Variants in WNT2 observed in about 807,000 individuals in gnomAD.
WNT2 encodes Wnt family member 2.
Under a neutral mutation model 36.9 loss-of-function variants are expected in WNT2, and 12 were observed. That is an observed-to-expected ratio of 0.33 (90% CI 0.21 to 0.53). WNT2 has a LOEUF of 0.53. Ranked by LOEUF, WNT2 falls within the 20% of genes least tolerant of loss-of-function variation. The pLI is 0.95. For missense variants in WNT2, 379 were observed against 473.1 expected (o/e 0.80, Z 1.84); for synonymous variants, 163 against 174.6 (o/e 0.93, Z 0.52).
intron 4 of WNT2, among the ~76,000 whole-genome samples, chr7:117,285,999 G>T (rs1210693426): frequency 6.6e-6 from 1 of 152,128 alleles, no homozygotes; most frequent in African/African-American, 2.4e-5. Flanking sequence ...TAAGATCCAG[G>T]CAAAGTCGTT....
At chr7:117,283,438 G>T (rs1794523154) in intron 4 of WNT2, among the ~76,000 whole-genome samples, 1 of 152,240 alleles carries the variant, frequency 6.6e-6, no homozygotes, top group Non-Finnish European at 1.5e-5. Flanking sequence ...TTGGGCTTAA[G>T]GGGGCCAGGA....
intron 2 of WNT2, among the ~76,000 whole-genome samples, chr7:117,319,127 C>T (rs1487267736): frequency 2.6e-5 from 4 of 152,106 alleles, no homozygotes. Context: ...CATAATATAT[C>T]CAAAGATTAC....
chr7:117,303,545 G>C lies in WNT2; in HGVS notation c.589-5669C>G, dbSNP rs1041452831. On this transcript the variant is annotated intron_variant, in intron 3 of 4. Coordinates refer to ENST00000265441, the MANE Select transcript of WNT2 (RefSeq NM_003391.3). ...TGGGGTCTTCAGAGGCACTGGGCAA[G>C]GAGCTTGGTTGGGGTGGGAGGGTGG... is the stretch of plus-strand genomic sequence containing the variant. Among the ~76,000 whole-genome samples, 3 of 152,186 alleles carry C rather than the reference G, an allele frequency of 2.0e-5. No homozygotes were observed. In the South Asian group the frequency reaches 6.2e-4, roughly 32 times the overall value.
chr7:117,295,782 TGAGCA>T (rs960768635), intron 4 of WNT2, among the ~76,000 whole-genome samples: 1 of 152,218 alleles, frequency 6.6e-6, no homozygotes, highest in African/African-American at 2.4e-5. Context: ...GGTGAGATCG[TGAGCA>T]GGTCATTCAC....
intron 3 of WNT2, among the ~76,000 whole-genome samples, chr7:117,303,430 T>A (rs1183490034): frequency 6.6e-6 from 1 of 152,110 alleles, no homozygotes; most frequent in African/African-American, 2.4e-5. Context: ...GAAAGATGGG[T>A]GGTGGCCAGT....
At chr7:117,282,388 G>C (rs1384328241) in intron 4 of WNT2, among the ~76,000 whole-genome samples, 1 of 148,606 alleles carries the variant, frequency 6.7e-6, no homozygotes, top group Non-Finnish European at 1.5e-5. Context: ...AGAGGAAGAA[G>C]GGAAAGAGGA....
chr7:117,280,958 C>A (rs564947744), intron 4 of WNT2, among the ~76,000 whole-genome samples: 7 of 152,226 alleles, frequency 4.6e-5, no homozygotes, highest in African/African-American at 1.7e-4. Context: ...AGGGCATGAG[C>A]CAAGCATATT....
intron 3 of WNT2, 130 bp from the exon 4 acceptor site, chr7:117,298,006 G>T: frequency 7.8e-7 from 1 of 1,279,882 alleles, no homozygotes; most frequent in Non-Finnish European, 1.1e-6. Context: ...ACTGGGAAAT[G>T]TTGAAGCATT....
chr7:117,313,530 T>C (rs1157376594), intron 3 of WNT2, among the ~76,000 whole-genome samples: 2 of 152,232 alleles, frequency 1.3e-5, no homozygotes, highest in African/African-American at 4.8e-5. Flanking sequence ...AGTTGAAACA[T>C]TCAATATCTA....
At chr7:117,298,750 T>C (rs1794844445) in intron 3 of WNT2, among the ~76,000 whole-genome samples, 1 of 152,184 alleles carries the variant, frequency 6.6e-6, no homozygotes, top group Admixed American at 6.5e-5. Flanking sequence ...GTGAGAGTTA[T>C]CCTGCCCTGG....
rs1794407912 is a variant in WNT2 at position 117,277,885 on chromosome 7, G to A, written c.*270C>T. 1 of 482,244 alleles carries A rather than the reference G, an allele frequency of 2.1e-6. No individual in the cohort carries two copies. The highest frequency in any genetic ancestry group is 1.9e-5 in the African/African-American group (1 of 51,678). The allele number at this position is 482,244 out of a possible 1,614,324, so 29.9% of individuals were successfully genotyped here. A position where few individuals can be genotyped will look rare whatever the true frequency, so the allele number is the denominator to read the frequency against. On this transcript the variant is annotated 3_prime_UTR_variant, in exon 5 of 5. Coordinates refer to ENST00000265441, the MANE Select transcript of WNT2 (RefSeq NM_003391.3). ...GTCTGGGCCCACCACCCTCCCGGCT[G>A]AACAGCCTGTCATGCTATTTCCAAA...
chr7:117,313,930 CA>C (rs1795167620), intron 3 of WNT2, among the ~76,000 whole-genome samples: 1 of 152,178 alleles, frequency 6.6e-6, no homozygotes, highest in South Asian at 2.1e-4. Context: ...ATGTGCTAAG[CA>C]AGAGTTCTTT....
At chr7:117,281,300 C>T (rs192769763) in intron 4 of WNT2, among the ~76,000 whole-genome samples, 83 of 152,246 alleles carry the variant, frequency 5.5e-4, no homozygotes, top group Admixed American at 5.9e-4. Flanking sequence ...GGCAGTGGCA[C>T]GAACATGGCT....
intron 4 of WNT2, among the ~76,000 whole-genome samples, chr7:117,292,711 A>G (rs1794713056): frequency 6.6e-6 from 1 of 152,204 alleles, no homozygotes; most frequent in South Asian, 2.1e-4. Context: ...GTTTATTTGC[A>G]GTCAAAGAGG....
intron 3 of WNT2, among the ~76,000 whole-genome samples, chr7:117,304,739 T>G (rs1021804273): frequency 6.6e-6 from 1 of 152,188 alleles, no homozygotes; most frequent in Non-Finnish European, 1.5e-5. Context: ...TCTGGTCATT[T>G]TTTTCTTTTT....
intron 4 of WNT2, among the ~76,000 whole-genome samples, chr7:117,292,094 G>A (rs905807393): frequency 4.6e-5 from 7 of 152,136 alleles, no homozygotes; most frequent in African/African-American, 1.7e-4. Flanking sequence ...TATTTCTTAG[G>A]AGCAATCAAA....
intron 4 of WNT2, among the ~76,000 whole-genome samples, chr7:117,290,884 A>G (rs1351600899): frequency 1.3e-5 from 2 of 152,248 alleles, no homozygotes; most frequent in Non-Finnish European, 2.9e-5. Context: ...TGTGCAATGA[A>G]GAAATGAGGG....
At chr7:117,291,903 G>C (rs993920567) in intron 4 of WNT2, among the ~76,000 whole-genome samples, 2 of 151,928 alleles carry the variant, frequency 1.3e-5, no homozygotes, top group African/African-American at 2.4e-5. Context: ...TCAGCCTCCC[G>C]AGTAGCTGGG....
chr7:117,294,713 A>G (rs557666332), intron 4 of WNT2, among the ~76,000 whole-genome samples: 10 of 152,310 alleles, frequency 6.6e-5, no homozygotes, highest in African/African-American at 2.4e-4. Flanking sequence ...GACAGATAAG[A>G]GAGAAAGTAA....
Sources: allele counts gnomAD v4.1 joint callset (sites outside exome capture counted in the v4.1 genomes callset), GRCh38; gene constraint gnomAD v4.1.1; transcripts MANE v1.5; gene names NCBI Gene and HGNC (gene_info 2026-07-23, HGNC 2026-07-21).